Variants in DMRT1 observed in about 807,000 individuals in gnomAD.
DMRT1 encodes the protein doublesex- and mab-3-related transcription factor 1.
In DMRT1, 7 loss-of-function variants were observed where a neutral mutation model predicts 32.3. The ratio of observed to expected loss-of-function variants is 0.22; its 90% CI spans 0.12 to 0.41. DMRT1 has a LOEUF of 0.41. Among genes scored for constraint, DMRT1 ranks in the 10% least tolerant of loss-of-function variants. The pLI, the probability that DMRT1 is intolerant of heterozygous loss-of-function variation, is 1.00. For missense variants in DMRT1, 625 were observed against 500.5 expected, an observed-to-expected ratio of 1.25 and a Z score of -2.37; for synonymous variants, 278 against 206.1, an observed-to-expected ratio of 1.35 and a Z score of -2.99.
At chr9:902,071 A>G (rs1212913668) in intron 3 of DMRT1, among the ~76,000 whole-genome samples, 2 of 148,588 alleles carry the variant, frequency 1.3e-5, no homozygotes, top group Admixed American at 1.3e-4. Flanking sequence ...CACCACGCCC[A>G]GCTAATTTTT....
At chr9:862,690 G>A (rs1815772385) in intron 2 of DMRT1, among the ~76,000 whole-genome samples, 1 of 152,154 alleles carries the variant, frequency 6.6e-6, no homozygotes, top group African/African-American at 2.4e-5. Flanking sequence ...TGGAAAGAAA[G>A]GCTGGGACGG....
At chr9:934,977 T>TCA (rs992026021) in intron 4 of DMRT1, among the ~76,000 whole-genome samples, 2 of 152,214 alleles carry the variant, frequency 1.3e-5, no homozygotes, top group African/African-American at 4.8e-5. Flanking sequence ...CCCAGCTGTC[T>TCA]CAACTATATC....
Position 894,211 on chromosome 9 carries a change from C to T in DMRT1, c.822+16C>T, listed in dbSNP as rs771280126. 6.8e-5 allele frequency: 109 copies of T among 1,612,066 alleles called. No homozygotes were observed. Among genetic ancestry groups the T allele is most frequent in the Middle Eastern group, 2.1e-4 (1 of 4,738 alleles). On this transcript the variant is annotated intron_variant, in intron 3 of 4. Coordinates refer to ENST00000382276, the MANE Select transcript of DMRT1 (RefSeq NM_021951.3). ...CCAGTGGCAGGTATGATATTAATTACCCAGAGAGTGAACTGGTTGTGTGAA... is the reference window on the plus strand; with the variant it reads ...CCAGTGGCAGGTATGATATTAATTATCCAGAGAGTGAACTGGTTGTGTGAA...
At chr9:885,695 A>G (rs1316241336) in intron 2 of DMRT1, among the ~76,000 whole-genome samples, 1 of 152,140 alleles carries the variant, frequency 6.6e-6, no homozygotes, top group Non-Finnish European at 1.5e-5. Flanking sequence ...GTCTTGGGAA[A>G]TGCAACATTT....
At chr9:858,867 AAAAAT>A (rs1329005171) in intron 2 of DMRT1, among the ~76,000 whole-genome samples, 21 of 18,286 alleles carry the variant, frequency 1.1e-3, no homozygotes, top group African/African-American at 3.0e-3. Flanking sequence ...AAAAAAAAAA[AAAAAT>A]ATATATATAT....
At chr9:924,260 T>A (rs985252867) in intron 4 of DMRT1, among the ~76,000 whole-genome samples, 3 of 151,854 alleles carry the variant, frequency 2.0e-5, no homozygotes, top group Non-Finnish European at 2.9e-5. Flanking sequence ...TTAGTAGAGA[T>A]GGGGTTTCTA....
intron 2 of DMRT1, among the ~76,000 whole-genome samples, 174 bp downstream of exon 2, chr9:847,317 C>T (rs151275861): frequency 1.0e-3 from 156 of 152,246 alleles, no homozygotes; most frequent in East Asian, 6.4e-3. Context: ...AGGAGGGGGC[C>T]GTGAATTCTA....
intron 4 of DMRT1, among the ~76,000 whole-genome samples, chr9:962,417 GGC>G (rs1031401819): frequency 2.0e-5 from 3 of 152,120 alleles, no homozygotes; most frequent in African/African-American, 7.2e-5. Context: ...ATCAGGGTAG[GGC>G]TGCTGCCATG....
chr9:854,960 G>C (rs746607092), intron 2 of DMRT1, among the ~76,000 whole-genome samples: 2 of 150,328 alleles, frequency 1.3e-5, no homozygotes, highest in South Asian at 2.1e-4. Flanking sequence ...GTAGAGACGG[G>C]GTTTCACCAT....
At chr9:852,946 G>A (rs533437734) in intron 2 of DMRT1, among the ~76,000 whole-genome samples, 32 of 152,314 alleles carry the variant, frequency 2.1e-4, no homozygotes, top group Non-Finnish European at 4.3e-4. Flanking sequence ...ACATTGTGTC[G>A]TATGTTTAAG....
chr9:956,574 A>C lies in DMRT1; in HGVS notation c.968-11411A>C, dbSNP rs888282088. ...GCAAGACCCTGTCTCAAAAAAAAAA[A>C]AAACAAAAAACAAAAAACCCAAAAT... On this transcript the variant is annotated intron_variant, in intron 4 of 4. Transcript: ENST00000382276. Among the ~76,000 whole-genome samples the C allele has an allele frequency of 1.2e-4, 15 of 125,342 alleles. 1 individual carries two copies. The highest frequency in any genetic ancestry group is 2.8e-4 in the African/African-American group (10 of 35,366). 82.2% of individuals were successfully genotyped at this position (125,342 alleles called of 152,430 possible). A position where few individuals can be genotyped will look rare whatever the true frequency, so the allele number is the denominator to read the frequency against.
chr9:918,684 C>G (rs552203897), intron 4 of DMRT1, among the ~76,000 whole-genome samples: 1 of 151,490 alleles, frequency 6.6e-6, no homozygotes, highest in Non-Finnish European at 1.5e-5. Context: ...AACCCACTAA[C>G]AGTTAAGTAG....
chr9:870,182 G>A (rs1816176560), intron 2 of DMRT1, among the ~76,000 whole-genome samples: 1 of 152,228 alleles, frequency 6.6e-6, no homozygotes, highest in Non-Finnish European at 1.5e-5. Flanking sequence ...TGGATCACCT[G>A]AGGTCAGGAG....
intron 4 of DMRT1, among the ~76,000 whole-genome samples, chr9:954,927 A>G (rs1049384122): frequency 1.8e-4 from 28 of 152,148 alleles, no homozygotes; most frequent in African/African-American, 6.0e-4. Flanking sequence ...GGCATGAGCC[A>G]CTCCGCCTGG....
intron 4 of DMRT1, among the ~76,000 whole-genome samples, chr9:940,781 C>T (rs1020400222): frequency 1.4e-4 from 21 of 152,216 alleles, no homozygotes; most frequent in African/African-American, 4.8e-4. Flanking sequence ...AAAATATTTG[C>T]AAATCATATG....
intron 2 of DMRT1, among the ~76,000 whole-genome samples, chr9:866,335 A>G (rs1487048316): frequency 2.0e-5 from 3 of 152,062 alleles, no homozygotes; most frequent in African/African-American, 7.2e-5. Context: ...AGGCATCAGC[A>G]CTGGCCTGCG....
chr9:857,150 T>C (rs1047681913), intron 2 of DMRT1, among the ~76,000 whole-genome samples: 32 of 152,132 alleles, frequency 2.1e-4, no homozygotes, highest in Non-Finnish European at 4.4e-5. Flanking sequence ...CTACCAAAAA[T>C]ACAAAAATTA....
chr9:939,520 G>A (rs1818993089), intron 4 of DMRT1, among the ~76,000 whole-genome samples: 1 of 152,132 alleles, frequency 6.6e-6, no homozygotes, highest in Non-Finnish European at 1.5e-5. Context: ...AAAATATTTT[G>A]TCCTGTTCTC....
Position 894,027 on chromosome 9 carries a change from G to A in DMRT1, c.654G>A (p.Leu218=), listed in dbSNP as rs760266992. 4 of 1,614,240 alleles carry A rather than the reference G, an allele frequency of 2.5e-6. No individual in the cohort carries two copies. In the South Asian group the frequency reaches 4.4e-5, roughly 18 times the overall value. The change falls in exon 3 of 5, where the codon CTG becomes CTA. Residue 218 remains leucine (L), a synonymous_variant. Transcript: ENST00000382276. ...ACAGCAGCTTCTACCAGCCGTCTCT[G>A]TTTCCTTATTACAACAATCTATACA... ...TYYSSFYQPS[L]FPYYNNLYNC... is the part of the protein sequence containing the mutation.
Sources: allele counts gnomAD v4.1 joint callset (sites outside exome capture counted in the v4.1 genomes callset), GRCh38; gene constraint gnomAD v4.1.1; transcripts MANE v1.5; gene names NCBI Gene and HGNC (gene_info 2026-07-23, HGNC 2026-07-21).